ZFHX2: variants seen among roughly 807,000 people sequenced by gnomAD.
The protein encoded by ZFHX2 is zinc finger homeobox protein 2.
In ZFHX2, 75 loss-of-function variants were observed where a neutral mutation model predicts 164.8. The observed-to-expected ratio is 0.46, with a 90% CI of 0.38 to 0.55. The LOEUF (loss-of-function observed/expected upper bound fraction) is 0.55, where lower values mean the gene tolerates loss of function less well. Among genes scored for constraint, ZFHX2 ranks in the 20% least tolerant of loss-of-function variants. The probability of loss-of-function intolerance (pLI) is 0.00; values close to 1 mark genes in which losing one functional copy is unlikely to be tolerated. For synonymous variants in ZFHX2, 1,217 were observed against 1,351.4 expected (o/e 0.90, Z 2.18); for missense variants, 2,933 against 3,308.0 (o/e 0.89, Z 2.78).
chr14:23,533,703 C>T lies in ZFHX2; in HGVS notation c.1623G>A (p.Ala541=), dbSNP rs781258379. 116 of 1,541,224 alleles carry T rather than the reference C, an allele frequency of 7.5e-5. No homozygotes were observed. Among genetic ancestry groups the T allele is most frequent in the African/African-American group, 9.6e-5 (7 of 73,156 alleles). The change falls in exon 2 of 10, where the codon GCG becomes GCA. Residue 541 remains alanine (A), a synonymous_variant. Transcript: ENST00000419474. This position sits in a 1 kb window ranked among gnomAD's most constrained non-coding sequence, Gnocchi z 4.8. ...KHLANLQGFQ[A]GPGGQGSPPE... is the part of the protein sequence containing the mutation. ...GTGGACTTCCCTGCCCACCAGGGCC[C>T]GCCTGGAAGCCCTGTAGGTTGGCCA...
intron 1 of ZFHX2, among the ~76,000 whole-genome samples, chr14:23,547,273 G>A (rs886134738): frequency 6.6e-6 from 1 of 152,196 alleles, no homozygotes; most frequent in African/African-American, 2.4e-5. Flanking sequence ...TGCCTTCGTT[G>A]TATTAATAAT....
In ZFHX2 at chr14:23,525,801, C is replaced by T. The variant is rs1199525960; in HGVS notation, c.4141G>A (p.Ala1381Thr). 2.0e-6 allele frequency: 3 copies of T among 1,472,534 alleles called. No homozygotes were observed. The highest frequency in any genetic ancestry group is 2.7e-6 in the Non-Finnish European group (3 of 1,117,102). 91.2% of individuals were successfully genotyped at this position (1,472,534 alleles called of 1,614,324 possible). ...DLKVGPKLTL[A>T]GPAPVLSLPA... ...AGGGACAGCACAGGTGCAGGCCCAG[C>T]TAGTGTCAGCTTGGGCCCCACCTTG... Residue 1381 changes from alanine to threonine, a missense_variant, in exon 9 of 10, where the codon GCT becomes ACT. Ala to Thr is a moderately conservative substitution (Grantham distance 58). Coordinates refer to ENST00000419474, the MANE Select transcript of ZFHX2 (RefSeq NM_033400.3). This position sits in a 1 kb window ranked among gnomAD's most constrained non-coding sequence, Gnocchi z 5.9.
At position 23,523,103 on chromosome 14, in the gene ZFHX2, A is replaced by G. The variant is rs1878250443; in HGVS notation, c.6739+100T>C. 1 of 1,406,428 alleles carries G rather than the reference A, an allele frequency of 7.1e-7. No homozygotes were observed. Among genetic ancestry groups the G allele is most frequent in the Non-Finnish European group, 9.2e-7 (1 of 1,085,626 alleles). The allele number at this position is 1,406,428 out of a possible 1,614,324, so 87.1% of individuals were successfully genotyped here. On this transcript the variant is annotated intron_variant, in intron 9 of 9. Transcript: ENST00000419474. The surrounding 1 kb of genome is among the most constrained non-coding windows in gnomAD (Gnocchi z 4.1). ...AGAGCCTGATGCAAAGGAAGGCCAC[A>G]GGAGATTGGGCATGGGAAGAATCAG...
chr14:23,553,174 C>A (rs1407867833), upstream of ZFHX2, among the ~76,000 whole-genome samples: 5 of 152,182 alleles, frequency 3.3e-5, no homozygotes, highest in East Asian at 7.7e-4. Context: ...TTCTCTTAAA[C>A]AACACAACAA....
In ZFHX2 at chr14:23,521,007, T is replaced by C. The variant is rs1355813144; in HGVS notation, c.*955A>G. 1.3e-5 allele frequency: 2 copies of C among 152,168 alleles called. No individual in the cohort carries two copies. The highest frequency in any genetic ancestry group is 1.3e-4 in the Admixed American group (2 of 15,280). 9.4% of individuals were successfully genotyped at this position (152,168 alleles called of 1,614,324 possible). On this transcript the variant is annotated 3_prime_UTR_variant, in exon 10 of 10. Transcript: ENST00000419474. ...GCTTTTTTGGTTGTGTTTCAGTTTTTTTTTTTGAAAGAACTTTGGATTTGC... is the reference window on the plus strand; with the variant it reads ...GCTTTTTTGGTTGTGTTTCAGTTTTCTTTTTTGAAAGAACTTTGGATTTGC...
intron 4 of ZFHX2, 144 bp from the exon 5 acceptor site, chr14:23,530,338 C>T: frequency 2.7e-6 from 2 of 727,832 alleles, no homozygotes; most frequent in Non-Finnish European, 4.8e-6. Flanking sequence ...TATGAAAAGC[C>T]AACAAAAAGA....
In ZFHX2 at chr14:23,524,031, C is replaced by A; in HGVS notation, c.5911G>T (p.Ala1971Ser). 6.6e-7 allele frequency: 1 copy of A among 1,514,294 alleles called. No homozygotes were observed. The highest frequency in any genetic ancestry group is 8.8e-7 in the Non-Finnish European group (1 of 1,135,144). 93.8% of individuals were successfully genotyped at this position (1,514,294 alleles called of 1,614,324 possible). Residue 1971 changes from alanine (A) to serine (S), a missense_variant, in exon 9 of 10, where the codon GCC (alanine) becomes TCC (serine). Physicochemically the swap from Ala to Ser is moderately conservative, Grantham distance 99. Coordinates refer to ENST00000419474, the MANE Select transcript of ZFHX2 (RefSeq NM_033400.3). The surrounding 1 kb of genome is among the most constrained non-coding windows in gnomAD (Gnocchi z 5.6). ...GGCTGGGGCCCAGAAGCAAGCGTGGCAGTGGGGTAGGGAAAAGCAGGTGCT... is the reference window on the plus strand; with the variant it reads ...GGCTGGGGCCCAGAAGCAAGCGTGGAAGTGGGGTAGGGAAAAGCAGGTGCT... Reference protein sequence around the residue: ...REAPAFPYPTATLASGPQPFL... With the variant: ...REAPAFPYPTSTLASGPQPFL...
chr14:23,530,091 G>A, intron 5 of ZFHX2, 29 bp downstream of exon 5: 1 of 1,522,688 alleles, frequency 6.6e-7, no homozygotes, highest in Non-Finnish European at 8.8e-7. Context: ...GAAGGTAGGA[G>A]GACTGGGGGG....
chr14:23,540,415 C>G (rs1880674221), intron 1 of ZFHX2, among the ~76,000 whole-genome samples: 1 of 152,200 alleles, frequency 6.6e-6, no homozygotes, highest in South Asian at 2.1e-4. Flanking sequence ...TTGCACCCTT[C>G]CATACTCACT....
intron 1 of ZFHX2, among the ~76,000 whole-genome samples, chr14:23,541,490 T>C (rs1157628212): frequency 6.6e-6 from 1 of 151,960 alleles, no homozygotes; most frequent in African/African-American, 2.4e-5. Flanking sequence ...CTTCTCCATG[T>C]TGGTCAGGCT....
At position 23,525,829 on chromosome 14, in the gene ZFHX2, A is replaced by G; in HGVS notation, c.4113T>C (p.Asp1371=). The part of the protein sequence containing the change: ...QQLLLPFYLH[D]LKVGPKLTLA... ...GTGTCAGCTTGGGCCCCACCTTGAG[A>G]TCGTGGAGGTAGAAGGGCAGGAGCA... Residue 1371 remains aspartate, a synonymous_variant, in exon 9 of 10, where the codon GAT becomes GAC. Transcript: ENST00000419474. The surrounding 1 kb of genome is among the most constrained non-coding windows in gnomAD (Gnocchi z 5.9). The G allele has an allele frequency of 6.9e-7, 1 of 1,457,978 alleles. No individual in the cohort carries two copies. The highest frequency in any genetic ancestry group is 9.0e-7 in the Non-Finnish European group (1 of 1,110,950). 90.3% of individuals were successfully genotyped at this position (1,457,978 alleles called of 1,614,324 possible). A position where few individuals can be genotyped will look rare whatever the true frequency, so the allele number is the denominator to read the frequency against.
chr14:23,527,267 G>A (rs1878855282), intron 7 of ZFHX2, among the ~76,000 whole-genome samples: 1 of 152,206 alleles, frequency 6.6e-6, no homozygotes, highest in African/African-American at 2.4e-5. Context: ...AGGACTTAGT[G>A]GAGGTGAAAC....
chr14:23,527,766 C>T lies in ZFHX2; in HGVS notation c.2973G>A (p.Glu991=). The change falls in exon 7 of 10, where the codon GAG becomes GAA. Residue 991 remains glutamate, a synonymous_variant. Transcript: ENST00000419474. The stretch of plus-strand genomic sequence containing the variant: ...GTGTATGAGCCCTCACCTGGCTGGA[C>T]TCTGGGCTCAGGAAGCTGCAGTATG... ...CCPYCSFLSP[E]SSQVRAHTLS... is the part of the protein sequence containing the mutation. The T allele has an allele frequency of 6.5e-7, 1 of 1,536,152 alleles. No homozygotes were observed.
rs1352844518 is a variant in ZFHX2 at position 23,551,555 on chromosome 14, A to G, written c.-262T>C. The G allele has an allele frequency of 6.6e-6, 1 of 152,562 alleles. No individual in the cohort carries two copies. The highest frequency in any genetic ancestry group is 1.9e-4 in the East Asian group (1 of 5,178). 9.5% of individuals were successfully genotyped at this position (152,562 alleles called of 1,614,324 possible). ...AAATTCACGGCGGTGAGGGAAGTGA[A>G]GGAAAATAATCAATGCTATTTGGCT... is the stretch of plus-strand genomic sequence containing the variant. On this transcript the variant is annotated 5_prime_UTR_variant, in exon 1 of 10. Transcript: ENST00000419474. The surrounding 1 kb of genome is among the most constrained non-coding windows in gnomAD (Gnocchi z 5.3).
At chr14:23,547,504 T>A (rs1311157874) in intron 1 of ZFHX2, among the ~76,000 whole-genome samples, 1 of 152,166 alleles carries the variant, frequency 6.6e-6, no homozygotes, top group East Asian at 1.9e-4. Flanking sequence ...CTCCTCCACA[T>A]CTTCCTCTTG....
Position 23,522,092 on chromosome 14 carries a change from G to T in ZFHX2, c.7589C>A (p.Pro2530Gln). ...RRKAAPPQGG[P>Q]PISITNAATA... ...GGCGGCGTTGGTGATGGAGATGGGT[G>T]GGCCCCCTTGAGGTGGGGCTGCCTT... Residue 2530 changes from proline (P) to glutamine (Q), a missense_variant, in exon 10 of 10, where the codon CCA (proline) becomes CAA (glutamine). Pro to Gln is a moderately conservative substitution (Grantham distance 76). Transcript: ENST00000419474. The T allele has an allele frequency of 6.5e-7, 1 of 1,535,968 alleles. No homozygotes were observed. The highest frequency in any genetic ancestry group is 8.7e-7 in the Non-Finnish European group (1 of 1,146,676).
In ZFHX2 at chr14:23,525,639, C is replaced by G. The variant is rs1187643587; in HGVS notation, c.4303G>C (p.Ala1435Pro). The change falls in exon 9 of 10, where the codon GCT becomes CCT. Residue 1435 changes from alanine to proline, a missense_variant. Ala to Pro is a conservative substitution (Grantham distance 27). Transcript: ENST00000419474. The surrounding 1 kb of genome is among the most constrained non-coding windows in gnomAD (Gnocchi z 5.9). ...AGGGCTTTGGCTGCAGTGCGGGCAG[C>G]CTCGTTGGGCAATGGGTCGGGGGGT... Reference protein sequence around the residue: ...SSPPDPLPNEAARTAAKALLE... With the variant: ...SSPPDPLPNEPARTAAKALLE... The G allele has an allele frequency of 1.2e-5, 19 of 1,535,884 alleles. No homozygotes were observed. Among genetic ancestry groups the G allele is most frequent in the Non-Finnish European group, 1.7e-5 (19 of 1,146,876 alleles).
chr14:23,523,145 C>T lies in ZFHX2; in HGVS notation c.6739+58G>A. 2.8e-6 allele frequency: 4 copies of T among 1,404,092 alleles called. No individual in the cohort carries two copies. Among genetic ancestry groups the T allele is most frequent in the Non-Finnish European group, 3.7e-6 (4 of 1,084,450 alleles). The allele number at this position is 1,404,092 out of a possible 1,614,324, so 87.0% of individuals were successfully genotyped here. A position where few individuals can be genotyped will look rare whatever the true frequency, so the allele number is the denominator to read the frequency against. On this transcript the variant is annotated intron_variant, in intron 9 of 9. Transcript: ENST00000419474. This position sits in a 1 kb window ranked among gnomAD's most constrained non-coding sequence, Gnocchi z 4.1. ...AAGAATCAGGAAGGAAAAGGAAGGG[C>T]ATGTCATTAGAGGGGGATGTTCTCT...
chr14:23,527,865 T>G, intron 6 of ZFHX2, 61 bp from the exon 7 acceptor site: 1 of 1,409,840 alleles, frequency 7.1e-7, no homozygotes, highest in Non-Finnish European at 9.6e-7. Context: ...CACCATCACA[T>G]AGTCCTTTGG....
Sources: gnomAD v4.1 joint callset for allele counts (sites outside exome capture counted in the v4.1 genomes callset) on GRCh38, gnomAD v4.1.1 for gene constraint, Gnocchi (gnomAD v3.1) non-coding constraint, MANE v1.5 for transcripts, NCBI Gene and HGNC (gene_info 2026-07-23, HGNC 2026-07-21) for gene names.